COL4A4: variants seen among roughly 807,000 people sequenced by gnomAD.
The protein encoded by COL4A4 is collagen alpha-4(IV) chain.
COL4A4 carries 105 observed loss-of-function variants against 192.9 expected under a neutral mutation model. The ratio of observed to expected loss-of-function variants is 0.54; its 90% confidence interval spans 0.46 to 0.64. The LOEUF (loss-of-function observed/expected upper bound fraction) is 0.64, where lower values mean the gene tolerates loss of function less well. Ranked by LOEUF, COL4A4 falls within the 30% of genes least tolerant of loss-of-function variation. The pLI is 0.00. For missense variants in COL4A4, 1,967 were observed against 2,169.3 expected, an observed-to-expected ratio of 0.91 and a Z score of 1.85; for synonymous variants, 762 against 769.9, an observed-to-expected ratio of 0.99 and a Z score of 0.17.
chr2:227,102,070 C>CT (rs1185957444), intron 15 of COL4A4, among the ~76,000 whole-genome samples, 161 bp from the exon 16 acceptor site: 1 of 152,178 alleles, frequency 6.6e-6, no homozygotes, highest in Non-Finnish European at 1.5e-5. Flanking sequence ...GATTCCATTT[C>CT]TTTATAACAT....
At chr2:227,032,082 T>C in intron 39 of COL4A4, 27 bp from the exon 40 acceptor site, 2 of 1,613,860 alleles carry the variant, frequency 1.2e-6, no homozygotes, top group Admixed American at 1.7e-5. Flanking sequence ...TCACATGTTA[T>C]CCTCATTGCA....
the COL4A4 span, among the ~76,000 whole-genome samples, chr2:226,985,901 G>T: frequency 6.6e-6 from 1 of 152,236 alleles, no homozygotes; most frequent in African/African-American, 2.4e-5. Context: ...TAGTGGCAAA[G>T]GCCAAAGCTT....
Position 227,101,899 on chromosome 2 carries a change from C to T in COL4A4, c.941G>A (p.Gly314Asp), listed in dbSNP as rs1005389790. The change falls in exon 16 of 48, where the codon GGT (glycine) becomes GAT (aspartate). Residue 314 changes from glycine to aspartate, a missense_variant. Gly to Asp is a moderately conservative substitution (Grantham distance 94). Coordinates refer to ENST00000396625, the MANE Select transcript of COL4A4 (RefSeq NM_000092.5). Reference sequence around the variant, plus strand: ...TGGAAAACCTGGAGATCCATAGGAACCAGGATCCCCCTAATAAATTCACAA... The same window carrying T: ...TGGAAAACCTGGAGATCCATAGGAATCAGGATCCCCCTAATAAATTCACAA... ...PGFPGPRGDP[G>D]SYGSPGFPGL... is the part of the protein sequence containing the mutation. 6.3e-7 allele frequency: 1 copy of T among 1,597,268 alleles called. No individual in the cohort carries two copies. Among genetic ancestry groups the T allele is most frequent in the Non-Finnish European group, 8.6e-7 (1 of 1,168,630 alleles).
chr2:226,970,397 T>A, the COL4A4 span, among the ~76,000 whole-genome samples: 1 of 152,074 alleles, frequency 6.6e-6, no homozygotes. Flanking sequence ...TAAGCTTTTT[T>A]CCCCCCTTTT....
At chr2:226,968,693 T>C in the COL4A4 span, among the ~76,000 whole-genome samples, 1 of 152,142 alleles carries the variant, frequency 6.6e-6, no homozygotes, top group Non-Finnish European at 1.5e-5. Flanking sequence ...CCCTTGAAAA[T>C]GGGGAATTTT....
At chr2:227,093,140 A>G (rs1396500673) in intron 20 of COL4A4, among the ~76,000 whole-genome samples, 1 of 152,126 alleles carries the variant, frequency 6.6e-6, no homozygotes, top group African/African-American at 2.4e-5. Flanking sequence ...TGACCTAAAT[A>G]ACTTCACCTT....
intron 1 of COL4A4, among the ~76,000 whole-genome samples, chr2:227,149,200 T>A (rs1323117359): frequency 1.3e-5 from 2 of 152,174 alleles, no homozygotes; most frequent in Non-Finnish European, 2.9e-5. Context: ...AATTCAATGC[T>A]GTATGTATGG....
intron 5 of COL4A4, 99 bp from the exon 6 acceptor site, chr2:227,120,038 G>T (rs1402612304): frequency 2.2e-6 from 2 of 904,496 alleles, no homozygotes; most frequent in African/African-American, 1.7e-5. Context: ...CTTTAAACAT[G>T]CTGAGCAGTC....
At chr2:227,158,774 T>TTTTTTTTTTTTTTTTTTTTTTGAGACG (rs2064561107) in intron 1 of COL4A4, among the ~76,000 whole-genome samples, 1 of 152,060 alleles carries the variant, frequency 6.6e-6, no homozygotes, top group African/African-American at 2.4e-5. Flanking sequence ...GGGATACTTC[T>TTTTTTTTTTTTTTTTTTTTTTGAGACG]GTATAAACAT....
At chr2:227,131,071 A>G (rs188773704) in intron 4 of COL4A4, among the ~76,000 whole-genome samples, 1 of 152,228 alleles carries the variant, frequency 6.6e-6, no homozygotes, top group East Asian at 1.9e-4. Context: ...CTTATAACAT[A>G]AATCCAATCT....
chr2:227,009,719 GAGAAGAGAAGAGAAA>G, intron 46 of COL4A4, among the ~76,000 whole-genome samples: 1 of 45,564 alleles, frequency 2.2e-5, no homozygotes, highest in East Asian at 5.5e-4. Context: ...AAGAGGAAAA[GAGAAGAGAAGAGAAA>G]AGAGAAGAGA....
chr2:227,157,896 C>A (rs2064483397), intron 1 of COL4A4, among the ~76,000 whole-genome samples: 1 of 151,796 alleles, frequency 6.6e-6, no homozygotes, highest in African/African-American at 2.4e-5. Flanking sequence ...GAGTGCTGGC[C>A]AACTTATTTT....
At chr2:227,104,105 G>C in intron 12 of COL4A4, 53 bp from the exon 13 acceptor site, 1 of 1,496,808 alleles carries the variant, frequency 6.7e-7, no homozygotes, top group Non-Finnish European at 9.2e-7. Flanking sequence ...ATGTTTTGAA[G>C]GTTTTCACCC....
At chr2:227,027,024 G>T (rs1052800951) in intron 42 of COL4A4, among the ~76,000 whole-genome samples, 1 of 152,138 alleles carries the variant, frequency 6.6e-6, no homozygotes, top group African/African-American at 2.4e-5. Flanking sequence ...GGAGGCTGAG[G>T]TGGGCTGATC....
chr2:227,031,134 C>G (rs188291161), intron 40 of COL4A4, among the ~76,000 whole-genome samples: 5 of 152,206 alleles, frequency 3.3e-5, no homozygotes, highest in African/African-American at 1.2e-4. Context: ...GGAATGTTCA[C>G]TCGATTAAAT....
chr2:227,080,465 T>G lies in COL4A4; in HGVS notation c.1781A>C (p.Glu594Ala), dbSNP rs35998949. 1 of 1,614,100 alleles carries G rather than the reference T, an allele frequency of 6.2e-7. No homozygotes were observed. The highest frequency in any genetic ancestry group is 1.3e-5 in the African/African-American group (1 of 75,020). ...GSHGRDGHAG[E>A]KGDPGPPGDH... ...TACTGGAGGTCCTGGATCCCCTTTT[T>G]CTCCAGCATGTCCATCCCGACCATG... is the stretch of plus-strand genomic sequence containing the variant. Residue 594 changes from glutamate (E) to alanine (A), a missense_variant, in exon 24 of 48, where the codon GAA (glutamate) becomes GCA (alanine). Transcript: ENST00000396625.
At chr2:227,109,109 G>A (rs559715291) in intron 10 of COL4A4, 115 bp downstream of exon 10, 11 of 1,030,558 alleles carry the variant, frequency 1.1e-5, no homozygotes, top group South Asian at 6.3e-5. Context: ...CTGATTCATC[G>A]ATTATAATCT....
At position 227,041,840 on chromosome 2, in the gene COL4A4, GAAAGAA is replaced by G. The variant is rs1559477832; in HGVS notation, c.3505+302_3505+307del. Among the ~76,000 whole-genome samples the G allele has an allele frequency of 2.2e-4, 16 of 73,062 alleles. 1 individual carries two copies. Among genetic ancestry groups the G allele is most frequent in the African/African-American group, 1.1e-3 (15 of 13,226 alleles). 47.9% of individuals were successfully genotyped at this position (73,062 alleles called of 152,430 possible). A position where few individuals can be genotyped will look rare whatever the true frequency, so the allele number is the denominator to read the frequency against. ...AGAAAGAAAGAAAGAAAGAAAGAAA[GAAAGAA>G]AGAGAAAGAAAGAAAGAAAGAAAGA... On this transcript the variant is annotated intron_variant, in intron 37 of 47. Coordinates refer to ENST00000396625, the MANE Select transcript of COL4A4 (RefSeq NM_000092.5).
the COL4A4 span, among the ~76,000 whole-genome samples, chr2:226,984,198 A>G: frequency 5.3e-5 from 8 of 152,270 alleles, no homozygotes; most frequent in African/African-American, 1.9e-4. Context: ...CCAGTTGCCA[A>G]GCTGCCAACT....
Sources: allele counts gnomAD v4.1 joint callset (sites outside exome capture counted in the v4.1 genomes callset), GRCh38; gene constraint gnomAD v4.1.1; transcripts MANE v1.5; gene names NCBI Gene and HGNC (gene_info 2026-07-23, HGNC 2026-07-21).